SLC71A2: variants seen among roughly 807,000 people sequenced by gnomAD.
SLC71A2 encodes the protein solute carrier family 71 member 2.
chr9:94,447,027 G>C, the SLC71A2 span: 2 of 684,434 alleles, frequency 2.9e-6, no homozygotes, highest in African/African-American at 3.6e-5. Context: ...CACTGCAGAG[G>C]AAAAAACATG....
the SLC71A2 span, among the ~76,000 whole-genome samples, chr9:94,437,309 C>G: frequency 7.1e-6 from 1 of 140,148 alleles, no homozygotes; most frequent in Non-Finnish European, 1.5e-5. Flanking sequence ...TCACCTATTT[C>G]ATTATTCATC....
chr9:94,377,064 TAGTG>T, the SLC71A2 span, among the ~76,000 whole-genome samples: 3 of 143,972 alleles, frequency 2.1e-5, no homozygotes, highest in Non-Finnish European at 3.0e-5. Context: ...TTGCTGTAGA[TAGTG>T]AGAAGGCTAG....
At chr9:94,445,310 A>C in the SLC71A2 span, 1 of 723,294 alleles carries the variant, frequency 1.4e-6, no homozygotes, top group Non-Finnish European at 2.2e-6. Flanking sequence ...AATAGAAAAA[A>C]TTAATTGCAA....
the SLC71A2 span, among the ~76,000 whole-genome samples, chr9:94,402,499 C>T: frequency 3.9e-5 from 6 of 152,148 alleles, no homozygotes; most frequent in East Asian, 1.2e-3. Context: ...TTTCCATTAA[C>T]TGTCACTCTC....
chr9:94,424,877 CTACAGGCG>C, the SLC71A2 span, among the ~76,000 whole-genome samples: 1 of 146,784 alleles, frequency 6.8e-6, no homozygotes, highest in African/African-American at 2.5e-5. Flanking sequence ...GTAGCTGGGA[CTACAGGCG>C]TGTGCCACCA....
At chr9:94,440,143 T>A in the SLC71A2 span, among the ~76,000 whole-genome samples, 6 of 152,092 alleles carry the variant, frequency 3.9e-5, no homozygotes, top group Non-Finnish European at 8.8e-5. Context: ...TAATGGATAT[T>A]ATTTGCCTTT....
At chr9:94,386,398 T>C in the SLC71A2 span, among the ~76,000 whole-genome samples, 2 of 151,442 alleles carry the variant, frequency 1.3e-5, no homozygotes, top group Non-Finnish European at 2.9e-5. Flanking sequence ...TACTCAGCAC[T>C]ATGTGAGTGA....
the SLC71A2 span, among the ~76,000 whole-genome samples, chr9:94,400,458 A>G: frequency 6.6e-6 from 1 of 151,954 alleles, no homozygotes; most frequent in African/African-American, 2.4e-5. Flanking sequence ...TCTATGGGGA[A>G]ATTGAGCCAG....
At chr9:94,444,433 G>C in the SLC71A2 span, among the ~76,000 whole-genome samples, 3 of 152,308 alleles carry the variant, frequency 2.0e-5, no homozygotes, top group South Asian at 6.2e-4. Context: ...GAATAGCAGA[G>C]GGTTCCCCCT....
At chr9:94,425,847 C>T in the SLC71A2 span, among the ~76,000 whole-genome samples, 1 of 151,968 alleles carries the variant, frequency 6.6e-6, no homozygotes, top group African/African-American at 2.4e-5. Flanking sequence ...TCATGCTATG[C>T]CCAGGAATGA....
the SLC71A2 span, among the ~76,000 whole-genome samples, chr9:94,442,689 A>G: frequency 2.7e-5 from 1 of 37,230 alleles, no homozygotes; most frequent in Non-Finnish European, 5.3e-5. Context: ...CGTCTCTACT[A>G]AAATACAAAA....
the SLC71A2 span, among the ~76,000 whole-genome samples, chr9:94,442,399 T>C: frequency 6.6e-6 from 1 of 152,088 alleles, no homozygotes; most frequent in Non-Finnish European, 1.5e-5. Flanking sequence ...ACCTTCCCTC[T>C]CTCTCTCTCC....
At chr9:94,407,173 A>AT in the SLC71A2 span, among the ~76,000 whole-genome samples, 18 of 151,232 alleles carry the variant, frequency 1.2e-4, no homozygotes, top group African/African-American at 4.1e-4. Context: ...AATTAAGATG[A>AT]TTATGTGGGT....
At chr9:94,377,724 C>T in the SLC71A2 span, among the ~76,000 whole-genome samples, 1 of 151,356 alleles carries the variant, frequency 6.6e-6, no homozygotes, top group African/African-American at 2.4e-5. Context: ...ATATATTGAC[C>T]AGAAAAAGAT....
At chr9:94,414,721 G>A in the SLC71A2 span, among the ~76,000 whole-genome samples, 1 of 152,010 alleles carries the variant, frequency 6.6e-6, no homozygotes, top group African/African-American at 2.4e-5. Flanking sequence ...GTGCAGTGGC[G>A]GGATTTCGGC....
chr9:94,453,678 G>C, the SLC71A2 span, among the ~76,000 whole-genome samples: 1 of 152,166 alleles, frequency 6.6e-6, no homozygotes, highest in African/African-American at 2.4e-5. Context: ...GGTAACTGGT[G>C]AACAGTTGTG....
chr9:94,453,986 C>G, the SLC71A2 span: 2 of 1,613,872 alleles, frequency 1.2e-6, no homozygotes, highest in Middle Eastern at 1.6e-4. Flanking sequence ...TTGATGAGAT[C>G]ATTAGGAAAT....
the SLC71A2 span, among the ~76,000 whole-genome samples, chr9:94,379,606 G>A: frequency 6.6e-6 from 1 of 151,704 alleles, no homozygotes; most frequent in South Asian, 2.1e-4. Flanking sequence ...GTCCAGGCTT[G>A]TCTTGAACTC....
the SLC71A2 span, among the ~76,000 whole-genome samples, chr9:94,411,217 T>G: frequency 6.8e-6 from 1 of 148,134 alleles, no homozygotes; most frequent in Non-Finnish European, 1.5e-5. Flanking sequence ...TTACATATTA[T>G]TAGGAATACC....
Sources: gnomAD v4.1 joint callset for allele counts (sites outside exome capture counted in the v4.1 genomes callset) on GRCh38, gnomAD v4.1.1 for gene constraint, MANE v1.5 for transcripts, NCBI Gene and HGNC (gene_info 2026-07-23, HGNC 2026-07-21) for gene names.